GALNT8: variants seen among roughly 807,000 people sequenced by gnomAD.
GALNT8 encodes polypeptide N-acetylgalactosaminyltransferase 8.
GALNT8 carries 66 observed loss-of-function variants against 62.7 expected under a neutral mutation model. That is an observed-to-expected ratio of 1.05 (90% CI 0.86 to 1.29). The LOEUF is 1.29. GALNT8 is among the 50% of genes most tolerant of loss of function. The pLI, the probability that GALNT8 is intolerant of heterozygous loss-of-function variation, is 0.00. For missense variants in GALNT8, 771 were observed against 791.8 expected (o/e 0.97, Z 0.32); for synonymous variants, 288 against 294.3 (o/e 0.98, Z 0.22).
intron 3 of GALNT8, 43 bp downstream of exon 3, chr12:4,739,372 A>G (rs377178215): frequency 6.5e-5 from 99 of 1,528,764 alleles, no homozygotes; most frequent in Non-Finnish European, 8.6e-5. Flanking sequence ...ATGACCACTT[A>G]TCATCTGTGC....
chr12:4,768,571 A>C (rs1946409935), intron 10 of GALNT8: 2 of 256,088 alleles, frequency 7.8e-6, no homozygotes, highest in Middle Eastern at 1.0e-3. Flanking sequence ...GTTGGCTGTG[A>C]GATCTGGAAG....
chr12:4,737,242 GAGAC>G (rs1241000538), intron 2 of GALNT8, among the ~76,000 whole-genome samples: 1 of 152,220 alleles, frequency 6.6e-6, no homozygotes, highest in East Asian at 1.9e-4. Context: ...CAAAATTGGA[GAGAC>G]AGACAGGTGG....
intron 10 of GALNT8, among the ~76,000 whole-genome samples, chr12:4,770,097 T>C (rs1238193177): frequency 6.7e-6 from 1 of 149,732 alleles, no homozygotes; most frequent in Non-Finnish European, 1.5e-5. Flanking sequence ...AGGTCAGGAG[T>C]TTGAGACCAG....
chr12:4,737,813 C>T (rs983174026), intron 2 of GALNT8, among the ~76,000 whole-genome samples: 2 of 152,130 alleles, frequency 1.3e-5, no homozygotes, highest in African/African-American at 4.8e-5. Context: ...TTCATCCTCT[C>T]TTTGTTCATT....
intron 9 of GALNT8, 66 bp downstream of exon 9, chr12:4,764,113 T>C (rs1232811622): frequency 1.3e-5 from 12 of 893,972 alleles, no homozygotes; most frequent in Non-Finnish European, 1.7e-5. Context: ...CTGGTAACCA[T>C]TGCTGGGTCT....
chr12:4,728,645 C>A (rs1946207023), intron 2 of GALNT8, among the ~76,000 whole-genome samples: 1 of 152,052 alleles, frequency 6.6e-6, no homozygotes, highest in South Asian at 2.1e-4. Context: ...GTCCTGCCAC[C>A]CTTATTGAAA....
chr12:4,741,538 A>G (rs927025700), intron 3 of GALNT8, among the ~76,000 whole-genome samples: 4 of 152,114 alleles, frequency 2.6e-5, no homozygotes, highest in Admixed American at 2.6e-4. Flanking sequence ...GGCAAAGACA[A>G]GAGTTGAGCT....
chr12:4,743,348 C>T (rs74504656), intron 3 of GALNT8, among the ~76,000 whole-genome samples: 2,397 of 152,336 alleles, frequency 0.016, 38 homozygotes, highest in Non-Finnish European at 0.022. Flanking sequence ...AGCAAACAGC[C>T]TTAGACGTAC....
At position 4,765,352 on chromosome 12, in the gene GALNT8, CTTTTTTTT is replaced by C. The variant is rs35971936; in HGVS notation, c.1594-10_1594-3del. The C allele has an allele frequency of 3.5e-5, 35 of 1,014,262 alleles. No individual in the cohort carries two copies. The highest frequency in any genetic ancestry group is 8.3e-5 in the Admixed American group (2 of 24,014). The allele number at this position is 1,014,262 out of a possible 1,614,324, so 62.8% of individuals were successfully genotyped here. A position where few individuals can be genotyped will look rare whatever the true frequency, so the allele number is the denominator to read the frequency against. ...GACAATGCCTATGGTGAGCCCTCTG[CTTTTTTTT>C]TTTTTTTTTTTTTTTTAGAATGTCT... On this transcript the variant is annotated intron_variant, in intron 9 of 10. Coordinates refer to ENST00000252318, the MANE Select transcript of GALNT8 (RefSeq NM_017417.2).
At chr12:4,757,506 G>A (rs568982636) in intron 6 of GALNT8, among the ~76,000 whole-genome samples, 15 of 152,288 alleles carry the variant, frequency 9.8e-5, no homozygotes, top group African/African-American at 1.7e-4. Flanking sequence ...TAGGGGCCAA[G>A]ACTTTTATTT....
intron 2 of GALNT8, among the ~76,000 whole-genome samples, chr12:4,738,074 C>T (rs568718682): frequency 1.3e-5 from 2 of 152,334 alleles, no homozygotes; most frequent in African/African-American, 4.8e-5. Context: ...AAATACCCAA[C>T]TTTAGCTCCC....
At chr12:4,761,254 G>GC in intron 7 of GALNT8, 111 bp downstream of exon 7, 1 of 799,102 alleles carries the variant, frequency 1.3e-6, no homozygotes, top group Non-Finnish European at 2.1e-6. Context: ...AAGAATTAGG[G>GC]TAAGGTCCTG....
At chr12:4,741,871 A>G (rs1032427874) in intron 3 of GALNT8, among the ~76,000 whole-genome samples, 18 of 152,242 alleles carry the variant, frequency 1.2e-4, no homozygotes, top group African/African-American at 4.1e-4. Flanking sequence ...TTGGTGTTAC[A>G]GGGACAGGAA....
chr12:4,763,501 T>C, intron 8 of GALNT8, 111 bp downstream of exon 8: 1 of 834,256 alleles, frequency 1.2e-6, no homozygotes, highest in Non-Finnish European at 2.0e-6. Context: ...CTACCTCAGC[T>C]TTCTACTCAG....
chr12:4,759,732 A>C (rs1385696219), intron 6 of GALNT8, among the ~76,000 whole-genome samples: 9 of 152,128 alleles, frequency 5.9e-5, no homozygotes, highest in Admixed American at 4.6e-4. Flanking sequence ...CTGTTATCTC[A>C]GGTGCTCCCA....
At chr12:4,744,051 T>C (rs1364550309) in intron 3 of GALNT8, among the ~76,000 whole-genome samples, 1 of 152,254 alleles carries the variant, frequency 6.6e-6, no homozygotes, top group Non-Finnish European at 1.5e-5. Context: ...TCTGTCCCAG[T>C]TGGTCCTTAA....
chr12:4,735,236 T>G (rs1178373074), intron 2 of GALNT8, among the ~76,000 whole-genome samples: 1 of 152,078 alleles, frequency 6.6e-6, no homozygotes, highest in Non-Finnish European at 1.5e-5. Flanking sequence ...TTATTTAAAT[T>G]TTTTTTTACA....
At chr12:4,740,174 G>A (rs1323181943) in intron 3 of GALNT8, among the ~76,000 whole-genome samples, 5 of 152,230 alleles carry the variant, frequency 3.3e-5, no homozygotes, top group Non-Finnish European at 7.4e-5. Flanking sequence ...CCCGTGCCCC[G>A]AGTCTAGCCC....
At chr12:4,761,978 A>G (rs1335417368) in intron 7 of GALNT8, among the ~76,000 whole-genome samples, 1 of 152,196 alleles carries the variant, frequency 6.6e-6, no homozygotes, top group Non-Finnish European at 1.5e-5. Context: ...AAGGACTCCT[A>G]GGGTCAGGAG....
Sources: allele counts gnomAD v4.1 joint callset (sites outside exome capture counted in the v4.1 genomes callset), GRCh38; gene constraint gnomAD v4.1.1; transcripts MANE v1.5; gene names NCBI Gene and HGNC (gene_info 2026-07-23, HGNC 2026-07-21).